The following PRDM15 variants were observed in gnomAD, a reference collection of about 807,000 sequenced individuals.
PRDM15 encodes PR/SET domain 15, also known as PR domain zinc finger protein 15.
In PRDM15, 64 loss-of-function variants were observed where a neutral mutation model predicts 128.6. That is an observed-to-expected ratio of 0.50 (90% confidence interval 0.41 to 0.61). PRDM15 has a LOEUF of 0.61. Ranked by LOEUF, PRDM15 falls within the 20% of genes least tolerant of loss-of-function variation. The pLI, the probability that PRDM15 is intolerant of heterozygous loss-of-function variation, is 0.00. For missense variants in PRDM15, 1,242 were observed against 1,569.1 expected (o/e 0.79, Z 3.52); for synonymous variants, 615 against 621.8 (o/e 0.99, Z 0.16).
intron 21 of PRDM15, among the ~76,000 whole-genome samples, chr21:41,808,847 G>A (rs147466883): frequency 2.0e-5 from 3 of 152,282 alleles, no homozygotes; most frequent in African/African-American, 7.2e-5. Flanking sequence ...ATTGAATCAC[G>A]TTCTTATTGT....
intron 1 of PRDM15, among the ~76,000 whole-genome samples, chr21:41,874,495 C>G (rs2064327521): frequency 7.5e-6 from 1 of 133,694 alleles, no homozygotes; most frequent in Non-Finnish European, 1.6e-5. Flanking sequence ...TATAACTAAG[C>G]AGCATGCATA....
At chr21:41,823,718 C>T (rs1394189959) in intron 13 of PRDM15, among the ~76,000 whole-genome samples, 1 of 152,204 alleles carries the variant, frequency 6.6e-6, no homozygotes, top group Non-Finnish European at 1.5e-5. Context: ...GTTAGTTCAG[C>T]TCCATTTTTT....
Position 41,847,108 on chromosome 21 carries a change from C to T in PRDM15, c.622G>A (p.Glu208Lys). Residue 208 changes from glutamate (E) to lysine (K), a missense_variant, in exon 6 of 24, where the codon GAG becomes AAG. This residue lies in a region of PRDM15 where 612 missense variants were observed against 717.0 expected (regional missense o/e 0.85). Transcript: ENST00000398548. ...TCCTTACCATTGAGGAGCTGCAGCT[C>T]CAGGAAGGTGGCAGAACACACTTTA... is the stretch of plus-strand genomic sequence containing the variant. Reference protein sequence around the residue: ...ACKVCSATFLELQLLNEHLLG... With the variant: ...ACKVCSATFLKLQLLNEHLLG... 6.4e-7 allele frequency: 1 copy of T among 1,552,868 alleles called. No homozygotes were observed.
chr21:41,798,833 A>G lies in PRDM15; in HGVS notation c.*2407T>C, dbSNP rs2236690. The G allele has an allele frequency of 0.035, 5,320 of 152,332 alleles. 238 individuals are homozygous for G. The highest frequency in any genetic ancestry group is 0.2 in the East Asian group (1,041 of 5,186). 9.4% of individuals were successfully genotyped at this position (152,332 alleles called of 1,614,324 possible). On this transcript the variant is annotated 3_prime_UTR_variant, in exon 24 of 24. Transcript: ENST00000398548. ...GTGAGGACTCTTCTGCCTGGGTGGT[A>G]CATGGTTGTTGTATTTTGCTATCTA...
At chr21:41,875,927 C>CACAA (rs1181552686) in intron 1 of PRDM15, among the ~76,000 whole-genome samples, 1 of 152,168 alleles carries the variant, frequency 6.6e-6, no homozygotes, top group Non-Finnish European at 1.5e-5. Context: ...AGTGTACATA[C>CACAA]ACAACCCTAG....
intron 13 of PRDM15, among the ~76,000 whole-genome samples, chr21:41,824,161 G>A (rs926799412): frequency 6.2e-5 from 4 of 64,688 alleles, no homozygotes; most frequent in Non-Finnish European, 1.3e-4. Context: ...CCTAAAGTTC[G>A]CCTGATGCCC....
chr21:41,870,491 A>T (rs2064171589), intron 1 of PRDM15: 1 of 152,212 alleles, frequency 6.6e-6, no homozygotes, highest in African/African-American at 2.4e-5. Flanking sequence ...CGGAAAAAGC[A>T]AACGTATTTT....
At chr21:41,865,945 A>C (rs899575117) in intron 1 of PRDM15, among the ~76,000 whole-genome samples, 1 of 152,016 alleles carries the variant, frequency 6.6e-6, no homozygotes, top group African/African-American at 2.4e-5. Flanking sequence ...TGGTCTCACT[A>C]TGTTGGCCAG....
At chr21:41,819,827 T>C in intron 17 of PRDM15, 126 bp from the exon 18 acceptor site, 2 of 1,292,410 alleles carry the variant, frequency 1.5e-6, no homozygotes, top group East Asian at 2.5e-5. Flanking sequence ...AGGGGTGGGG[T>C]CGCCTCTTCA....
chr21:41,821,821 C>G lies in PRDM15; in HGVS notation c.1896+82G>C, dbSNP rs1601205721. On this transcript the variant is annotated intron_variant, in intron 15 of 23. Transcript: ENST00000398548. This position sits in a 1 kb window ranked among gnomAD's most constrained non-coding sequence, Gnocchi z 5.4. Reference sequence around the variant, plus strand: ...GCTGCTTCCGAGATGCATGAAGGTGCCTGCTGTGTGGGGCCCACAGCCTTG... The same window carrying G: ...GCTGCTTCCGAGATGCATGAAGGTGGCTGCTGTGTGGGGCCCACAGCCTTG... 2 of 1,542,900 alleles carry G rather than the reference C, an allele frequency of 1.3e-6. No individual in the cohort carries two copies. Among genetic ancestry groups the G allele is most frequent in the East Asian group, 4.5e-5 (2 of 44,404 alleles).
intron 21 of PRDM15, among the ~76,000 whole-genome samples, chr21:41,809,196 T>C (rs914177075): frequency 2.0e-5 from 3 of 152,138 alleles, no homozygotes; most frequent in South Asian, 2.1e-4. Flanking sequence ...TAACAGGCTC[T>C]ATCTGTCTAA....
intron 13 of PRDM15, among the ~76,000 whole-genome samples, chr21:41,825,271 A>G (rs1306505446): frequency 6.6e-6 from 1 of 152,218 alleles, no homozygotes; most frequent in African/African-American, 2.4e-5. Context: ...TGGCAGCCTG[A>G]CAGCTGTGAG....
chr21:41,852,212 G>A (rs1406380266), intron 5 of PRDM15, among the ~76,000 whole-genome samples: 1 of 152,248 alleles, frequency 6.6e-6, no homozygotes, highest in Non-Finnish European at 1.5e-5. Flanking sequence ...TAGCCTTGAG[G>A]GTGGTGAGGG....
intron 19 of PRDM15, among the ~76,000 whole-genome samples, chr21:41,815,248 A>G (rs1352964205): frequency 6.6e-6 from 1 of 152,226 alleles, no homozygotes; most frequent in Non-Finnish European, 1.5e-5. Flanking sequence ...TAGTACACAC[A>G]TCACCCGAGC....
At chr21:41,865,222 T>TCCC (rs2063966118) in intron 1 of PRDM15, among the ~76,000 whole-genome samples, 1 of 151,728 alleles carries the variant, frequency 6.6e-6, no homozygotes, top group Non-Finnish European at 1.5e-5. Context: ...CACTCCTCAG[T>TCCC]CTTAGCTTAA....
At chr21:41,878,840 CGGGCCG>C (rs1341243064) in intron 1 of PRDM15, 14 of 897,230 alleles carry the variant, frequency 1.6e-5, no homozygotes, top group African/African-American at 5.8e-5. Flanking sequence ...CGCGGGGCCG[CGGGCCG>C]GGGCGGCGAA....
intron 1 of PRDM15, chr21:41,871,549 A>G (rs1222720470): frequency 6.2e-7 from 1 of 1,611,836 alleles, no homozygotes; most frequent in African/African-American, 1.3e-5. Context: ...TCAGTGGCTC[A>G]GTGTCGGACA....
At position 41,836,529 on chromosome 21, in the gene PRDM15, G is replaced by A; in HGVS notation, c.1122C>T (p.Cys374=). 6.2e-7 allele frequency: 1 copy of A among 1,612,830 alleles called. No homozygotes were observed. The highest frequency in any genetic ancestry group is 8.5e-7 in the Non-Finnish European group (1 of 1,179,980). ...TCTGGAAGATCTTGCTGCAGATATT[G>A]CACTGGTAAACCCGCTTGTGCTCCC... is the stretch of plus-strand genomic sequence containing the variant. The part of the protein sequence containing the change: ...QLGEHKRVYQ[C]NICSKIFQNS... Residue 374 remains cysteine (C), a synonymous_variant, in exon 9 of 24, where the codon TGC becomes TGT. Transcript: ENST00000398548.
At chr21:41,856,222 C>T (rs2063620121) in intron 4 of PRDM15, among the ~76,000 whole-genome samples, 1 of 37,632 alleles carries the variant, frequency 2.7e-5, no homozygotes, top group Non-Finnish European at 4.9e-5. Context: ...TCCCTCCCTC[C>T]CCTCCCTTCC....
Sources: gnomAD v4.1 joint callset for allele counts (sites outside exome capture counted in the v4.1 genomes callset) on GRCh38, gnomAD v4.1.1 for gene constraint, gnomAD v4.1.1 regional missense constraint, Gnocchi (gnomAD v3.1) non-coding constraint, MANE v1.5 for transcripts, NCBI Gene and HGNC (gene_info 2026-07-23, HGNC 2026-07-21) for gene names.